Variants in CDH18 observed in about 807,000 individuals in gnomAD.
The protein encoded by CDH18 is cadherin-18.
A neutral mutation model predicts 67.9 loss-of-function variants in CDH18; 31 were observed. The observed-to-expected ratio is 0.46, with a 90% CI of 0.34 to 0.62. The LOEUF (loss-of-function observed/expected upper bound fraction) is 0.62, where lower values mean the gene tolerates loss of function less well. CDH18 is among the 20% of genes least tolerant of loss of function. The probability of loss-of-function intolerance (pLI) is 0.01; values close to 1 mark genes in which losing one functional copy is unlikely to be tolerated. For missense variants in CDH18, 890 were observed against 975.5 expected (o/e 0.91, Z 1.17); for synonymous variants, 362 against 347.2 (o/e 1.04, Z -0.48).
At chr5:20,411,107 T>C (rs533961339) in intron 1 of CDH18, among the ~76,000 whole-genome samples, 1 of 152,048 alleles carries the variant, frequency 6.6e-6, no homozygotes, top group South Asian at 2.1e-4. Context: ...GAAACAATTC[T>C]CAAATTCATA....
intron 3 of CDH18, among the ~76,000 whole-genome samples, chr5:19,811,161 G>A (rs10473177): frequency 0.44 from 11,961 of 27,428 alleles, 3,807 homozygotes; most frequent in African/African-American, 0.49. Context: ...AAAGAAAGAA[G>A]GAGAGAAAGA....
At chr5:20,444,422 G>C (rs1749851243) in intron 1 of CDH18, among the ~76,000 whole-genome samples, 1 of 152,198 alleles carries the variant, frequency 6.6e-6, no homozygotes, top group Admixed American at 6.5e-5. Flanking sequence ...TGTAATCCCA[G>C]CTACTTGGGA....
At chr5:19,859,295 C>G (rs62352167) in intron 2 of CDH18, among the ~76,000 whole-genome samples, 43,892 of 151,948 alleles carry the variant, frequency 0.29, 7,708 homozygotes, top group South Asian at 0.4. Flanking sequence ...TTAAGACTGA[C>G]AAAACAGACT....
At chr5:20,063,669 T>C (rs774626971) in intron 2 of CDH18, among the ~76,000 whole-genome samples, 29 of 152,308 alleles carry the variant, frequency 1.9e-4, no homozygotes, top group South Asian at 4.1e-4. Context: ...TTAAATCATA[T>C]TGGTTAATCT....
At chr5:20,258,605 C>T (rs1744414302) in intron 1 of CDH18, among the ~76,000 whole-genome samples, 2 of 152,130 alleles carry the variant, frequency 1.3e-5, no homozygotes. Context: ...TTAACTATCA[C>T]ATATGTGGTT....
intron 2 of CDH18, among the ~76,000 whole-genome samples, chr5:20,171,633 T>C (rs1561847741): frequency 1.3e-5 from 2 of 152,224 alleles, no homozygotes; most frequent in Admixed American, 6.5e-5. Flanking sequence ...TTCTGATGCA[T>C]AGTTTGCAAA....
intron 2 of CDH18, among the ~76,000 whole-genome samples, chr5:19,969,351 C>T (rs909632078): frequency 6.1e-5 from 9 of 147,086 alleles, no homozygotes; most frequent in Admixed American, 6.0e-4. Context: ...TGGTTATATA[C>T]CCAAAGGACT....
rs377736977 is a variant in CDH18, at chr5:20,100,238, G to T, written c.-517-108224C>A. 2.8e-3 allele frequency among the ~76,000 whole-genome samples: 432 copies of T among 152,232 alleles called. 2 individuals are homozygous for T. The highest frequency in any genetic ancestry group is 0.018 in the South Asian group (87 of 4,822). ...ACTTCTTGGATAAAAGAATGGGGTA[G>T]AATTTTGAAATCTTATCTGTTCTTG... is the stretch of plus-strand genomic sequence containing the variant. On this transcript the variant is annotated intron_variant, in intron 2 of 14. Transcript: ENST00000507958.
At chr5:20,136,514 C>A (rs1580324254) in intron 2 of CDH18, among the ~76,000 whole-genome samples, 1 of 152,180 alleles carries the variant, frequency 6.6e-6, no homozygotes, top group South Asian at 2.1e-4. Context: ...CTGAATACAA[C>A]ACACTGATTG....
At chr5:19,505,324 G>A (rs1011143456) in intron 10 of CDH18, among the ~76,000 whole-genome samples, 4 of 152,004 alleles carry the variant, frequency 2.6e-5, no homozygotes, top group Admixed American at 2.0e-4. Flanking sequence ...TCTCCTGCCT[G>A]ATTGCCCTGG....
chr5:19,713,679 A>G (rs537448953), intron 5 of CDH18, among the ~76,000 whole-genome samples: 5 of 152,158 alleles, frequency 3.3e-5, no homozygotes, highest in African/African-American at 4.8e-5. Flanking sequence ...TGGAAATACA[A>G]TTATCTAATA....
chr5:20,111,255 A>T (rs1032276836), intron 2 of CDH18, among the ~76,000 whole-genome samples: 2 of 152,162 alleles, frequency 1.3e-5, no homozygotes, highest in Non-Finnish European at 2.9e-5. Context: ...TTGTGCCTTG[A>T]GTCAAAGGTT....
chr5:19,782,734 T>C (rs901422476), intron 3 of CDH18, among the ~76,000 whole-genome samples: 3 of 152,122 alleles, frequency 2.0e-5, no homozygotes, highest in African/African-American at 7.2e-5. Flanking sequence ...ATGAGAATGA[T>C]AGCAATACTC....
chr5:19,684,894 C>T (rs1029187241), intron 5 of CDH18, among the ~76,000 whole-genome samples: 1 of 152,006 alleles, frequency 6.6e-6, no homozygotes, highest in Non-Finnish European at 1.5e-5. Flanking sequence ...TTTTTGTAGA[C>T]CTGACACTTC....
intron 8 of CDH18, among the ~76,000 whole-genome samples, chr5:19,567,928 AT>A (rs1438207220): frequency 6.6e-6 from 1 of 152,178 alleles, no homozygotes; most frequent in Admixed American, 6.6e-5. Flanking sequence ...ACATATTTTA[AT>A]TGATTGAAAG....
chr5:19,513,965 T>G (rs544222918), intron 10 of CDH18, among the ~76,000 whole-genome samples: 2 of 152,236 alleles, frequency 1.3e-5, no homozygotes, highest in East Asian at 3.9e-4. Context: ...TCATTTACAT[T>G]AGATATTTCT....
chr5:20,525,452 A>G (rs1417743592), intron 1 of CDH18, among the ~76,000 whole-genome samples: 2 of 152,112 alleles, frequency 1.3e-5, no homozygotes, highest in African/African-American at 4.8e-5. Context: ...CAGAGGGGGC[A>G]GATGGCTCCA....
chr5:20,095,432 AAAG>A (rs1207695294), intron 2 of CDH18, among the ~76,000 whole-genome samples: 52 of 143,348 alleles, frequency 3.6e-4, no homozygotes, highest in African/African-American at 1.2e-3. Flanking sequence ...AGAAAGAAAG[AAAG>A]AAAGAAAGAA....
chr5:19,809,582 G>T (rs576976438), intron 3 of CDH18, among the ~76,000 whole-genome samples: 1 of 152,254 alleles, frequency 6.6e-6, no homozygotes, highest in East Asian at 1.9e-4. Context: ...AAAGAATTTT[G>T]TGGTTATTAG....
Sources: allele counts gnomAD v4.1 joint callset (sites outside exome capture counted in the v4.1 genomes callset), GRCh38; gene constraint gnomAD v4.1.1; transcripts MANE v1.5; gene names NCBI Gene and HGNC (gene_info 2026-07-23, HGNC 2026-07-21).